Variants in CAST observed in about 807,000 individuals in gnomAD.
The protein encoded by CAST is calpastatin, also known as MIR583 host.
In CAST, 76 loss-of-function variants were observed where a neutral mutation model predicts 119.6. The observed-to-expected ratio is 0.64, with a 90% confidence interval of 0.53 to 0.77. The LOEUF is 0.77. Among genes scored for constraint, CAST ranks in the 30% least tolerant of loss-of-function variants. The pLI, the probability that CAST is intolerant of heterozygous loss-of-function variation, is 0.00. For missense variants in CAST, 953 were observed against 946.5 expected, an observed-to-expected ratio of 1.01 and a Z score of -0.09; for synonymous variants, 319 against 331.6, an observed-to-expected ratio of 0.96 and a Z score of 0.41.
At chr5:96,266,653 TA>T in the CAST span, among the ~76,000 whole-genome samples, 3 of 152,044 alleles carry the variant, frequency 2.0e-5, no homozygotes, top group Non-Finnish European at 2.9e-5. Flanking sequence ...AAGAGAAAGA[TA>T]ATCAACAGGT....
At chr5:96,489,513 C>T in the CAST span, among the ~76,000 whole-genome samples, 1 of 152,158 alleles carries the variant, frequency 6.6e-6, no homozygotes, top group Non-Finnish European at 1.5e-5. Context: ...CTTACATATG[C>T]TACACAAATC....
chr5:96,403,307 C>T, the CAST span, among the ~76,000 whole-genome samples: 3 of 152,068 alleles, frequency 2.0e-5, no homozygotes, highest in African/African-American at 7.2e-5. Flanking sequence ...GGTACATGTG[C>T]ACAACGTGCA....
the CAST span, among the ~76,000 whole-genome samples, chr5:96,436,830 C>T: frequency 1.3e-5 from 2 of 152,112 alleles, no homozygotes; most frequent in African/African-American, 2.4e-5. Flanking sequence ...GATACACCTG[C>T]CAGAAGTCCC....
the CAST span, among the ~76,000 whole-genome samples, chr5:96,455,198 T>C: frequency 6.6e-6 from 1 of 152,204 alleles, no homozygotes; most frequent in Admixed American, 6.5e-5. Context: ...CTAGCCTGCA[T>C]CTCCTCTTGG....
chr5:96,751,081 C>T (rs1485905920), intron 20 of CAST, among the ~76,000 whole-genome samples: 2 of 152,136 alleles, frequency 1.3e-5, no homozygotes, highest in African/African-American at 2.4e-5. Context: ...ACTCTTCCCA[C>T]TGCAGGAGGT....
At chr5:96,292,624 G>A in the CAST span, among the ~76,000 whole-genome samples, 2 of 152,156 alleles carry the variant, frequency 1.3e-5, no homozygotes, top group Non-Finnish European at 2.9e-5. Context: ...TGTTGATTTT[G>A]GAATTAATAC....
At chr5:96,505,131 T>C in the CAST span, among the ~76,000 whole-genome samples, 21 of 152,240 alleles carry the variant, frequency 1.4e-4, no homozygotes, top group African/African-American at 5.1e-4. Context: ...GGAGCCGAAC[T>C]GCTGGATCAA....
At chr5:96,405,724 A>T in the CAST span, among the ~76,000 whole-genome samples, 275 of 152,322 alleles carry the variant, frequency 1.8e-3, 2 homozygotes, top group South Asian at 0.022. Flanking sequence ...ATTTTCCACT[A>T]TACAGAAAAA....
At chr5:96,271,978 G>GACATACAA in the CAST span, among the ~76,000 whole-genome samples, 1 of 152,138 alleles carries the variant, frequency 6.6e-6, no homozygotes, top group East Asian at 1.9e-4. Context: ...CTCAATAGAA[G>GACATACAA]ACATACAAAT....
chr5:96,713,548 A>T (rs1182551729), intron 3 of CAST, among the ~76,000 whole-genome samples: 1 of 152,258 alleles, frequency 6.6e-6, no homozygotes, highest in Non-Finnish European at 1.5e-5. Context: ...ATTCCTCTTC[A>T]TTTGACTGGA....
At chr5:96,037,304 ACT>A in the CAST span, among the ~76,000 whole-genome samples, 1 of 151,978 alleles carries the variant, frequency 6.6e-6, no homozygotes, top group East Asian at 1.9e-4. Flanking sequence ...GTTCTTAAAG[ACT>A]CTGCTGCCTG....
chr5:96,544,135 G>A (rs552664376), intron 1 of CAST, among the ~76,000 whole-genome samples: 1 of 152,278 alleles, frequency 6.6e-6, no homozygotes, highest in South Asian at 2.1e-4. Context: ...CATTGAGTCT[G>A]TAGAGCAAAT....
chr5:96,710,868 TA>T lies in CAST; in HGVS notation c.211-11759del, dbSNP rs575756523. ...TTAGCCCTAATGGGTCCACATCACT[TA>T]AAAAAAAAAAAGTCTGTCCTCTGCT... On this transcript the variant is annotated intron_variant, in intron 3 of 31. Transcript: ENST00000675179. 6.9e-3 allele frequency among the ~76,000 whole-genome samples: 994 copies of T among 144,540 alleles called. 10 individuals carry two copies. Among genetic ancestry groups the T allele is most frequent in the South Asian group, 0.035 (160 of 4,572 alleles). 94.8% of individuals were successfully genotyped at this position (144,540 alleles called of 152,430 possible). A position where few individuals can be genotyped will look rare whatever the true frequency, so the allele number is the denominator to read the frequency against.
chr5:96,768,060 A>G (rs532097106), intron 29 of CAST, 61 bp downstream of exon 29: 2 of 1,064,928 alleles, frequency 1.9e-6, no homozygotes, highest in Non-Finnish European at 2.9e-6. Context: ...GTACATACAT[A>G]TAAGTTTTAT....
chr5:96,641,599 C>T (rs555437955), intron 1 of CAST, among the ~76,000 whole-genome samples: 2 of 152,208 alleles, frequency 1.3e-5, no homozygotes, highest in Admixed American at 6.5e-5. Flanking sequence ...ACAGCCTCAT[C>T]TACAGCCTTC....
chr5:96,684,089 T>C (rs1751764995), intron 2 of CAST, among the ~76,000 whole-genome samples: 1 of 152,162 alleles, frequency 6.6e-6, no homozygotes, highest in South Asian at 2.1e-4. Flanking sequence ...TGGATTTAAT[T>C]CCCAGCTCTG....
the CAST span, among the ~76,000 whole-genome samples, chr5:96,038,893 G>T: frequency 1.4e-4 from 21 of 152,260 alleles, 1 homozygote; most frequent in South Asian, 4.4e-3. Context: ...GCCCAGTAAT[G>T]AGATTGCTGG....
At chr5:96,543,851 C>G (rs1259624448) in intron 1 of CAST, among the ~76,000 whole-genome samples, 1 of 152,158 alleles carries the variant, frequency 6.6e-6, no homozygotes, top group Non-Finnish European at 1.5e-5. Context: ...GCTCCTATGT[C>G]AAGGATCAGT....
chr5:96,589,727 A>G (rs1357441040), intron 1 of CAST, among the ~76,000 whole-genome samples: 1 of 152,204 alleles, frequency 6.6e-6, no homozygotes, highest in Non-Finnish European at 1.5e-5. Flanking sequence ...AGAATATAAT[A>G]ATTTTTAACA....
Sources: allele counts gnomAD v4.1 joint callset (sites outside exome capture counted in the v4.1 genomes callset), GRCh38; gene constraint gnomAD v4.1.1; transcripts MANE v1.5; gene names NCBI Gene and HGNC (gene_info 2026-07-23, HGNC 2026-07-21).